Variants in SNAP25 observed in about 807,000 individuals in gnomAD.
SNAP25 encodes synaptosome associated protein 25.
In SNAP25, 3 loss-of-function variants were observed where a neutral mutation model predicts 28.7. The ratio of observed to expected loss-of-function variants is 0.10; its 90% CI spans 0.05 to 0.27. The LOEUF (loss-of-function observed/expected upper bound fraction) is 0.27, where lower values mean the gene tolerates loss of function less well. SNAP25 is among the 10% of genes least tolerant of loss of function. The pLI is 1.00. For missense variants in SNAP25, 117 were observed against 278.7 expected (o/e 0.42, Z 4.13); for synonymous variants, 61 against 88.1 (o/e 0.69, Z 1.72).
intron 1 of SNAP25, among the ~76,000 whole-genome samples, chr20:10,259,109 A>G (rs1402792900): frequency 6.6e-6 from 1 of 152,216 alleles, no homozygotes; most frequent in Non-Finnish European, 1.5e-5. Flanking sequence ...CTAAGGCTAT[A>G]TATATACAAA....
At chr20:10,263,311 A>T (rs1355506663) in intron 1 of SNAP25, among the ~76,000 whole-genome samples, 1 of 150,458 alleles carries the variant, frequency 6.6e-6, no homozygotes, top group Non-Finnish European at 1.5e-5. Flanking sequence ...GAGCCACCGC[A>T]CCAGGCCAAC....
intron 3 of SNAP25, among the ~76,000 whole-genome samples, chr20:10,281,778 A>T (rs971307099): frequency 2.0e-5 from 3 of 152,242 alleles, no homozygotes; most frequent in African/African-American, 7.2e-5. Context: ...ATGGATTGAG[A>T]TTCTACTCAA....
rs1049751161 is a variant in SNAP25 at position 10,306,368 on chromosome 20, G to T, written c.*171G>T. On this transcript the variant is annotated 3_prime_UTR_variant, in exon 8 of 8. Coordinates refer to ENST00000254976, the MANE Select transcript of SNAP25 (RefSeq NM_130811.4). ...TTCCCAACAATACTTTGTGTCTTTT[G>T]TTCTCTCTTGGTCTCTTTCTTTCCA... is the stretch of plus-strand genomic sequence containing the variant. 9 of 585,304 alleles carry T rather than the reference G, an allele frequency of 1.5e-5. No homozygotes were observed. Among genetic ancestry groups the T allele is most frequent in the African/African-American group, 1.1e-4 (6 of 52,572 alleles). The allele number at this position is 585,304 out of a possible 1,614,324, so 36.3% of individuals were successfully genotyped here.
chr20:10,231,593 T>C (rs1356079964), intron 1 of SNAP25: 2 of 152,144 alleles, frequency 1.3e-5, no homozygotes, highest in Admixed American at 6.5e-5. Context: ...CACTCAGAGG[T>C]CTTGGCCTCA....
In SNAP25 at chr20:10,307,088, T is replaced by G. The variant is rs562825166; in HGVS notation, c.*891T>G. 2 of 152,602 alleles carry G rather than the reference T, an allele frequency of 1.3e-5. No individual in the cohort carries two copies. Among genetic ancestry groups the G allele is most frequent in the Admixed American group, 6.5e-5 (1 of 15,294 alleles). The allele number at this position is 152,602 out of a possible 1,614,324, so 9.5% of individuals were successfully genotyped here. A position where few individuals can be genotyped will look rare whatever the true frequency, so the allele number is the denominator to read the frequency against. On this transcript the variant is annotated 3_prime_UTR_variant, in exon 8 of 8. Coordinates refer to ENST00000254976, the MANE Select transcript of SNAP25 (RefSeq NM_130811.4). ...TATAGGGTTTGTTTGCTGCTTTTGA[T>G]GGCTATGTTTTGGAGAGAGCAATCT...
At chr20:10,222,401 T>C (rs1328292331) in intron 1 of SNAP25, among the ~76,000 whole-genome samples, 1 of 152,024 alleles carries the variant, frequency 6.6e-6, no homozygotes, top group Non-Finnish European at 1.5e-5. Flanking sequence ...CTTTTGGAGG[T>C]TGCAGAGAGG....
At chr20:10,305,920 A>T (rs1195289325) in intron 7 of SNAP25, among the ~76,000 whole-genome samples, 2 of 144,306 alleles carry the variant, frequency 1.4e-5, no homozygotes, top group Non-Finnish European at 3.1e-5. Flanking sequence ...TTCGTTCATT[A>T]AAAAAAAAAA....
chr20:10,284,647 G>A (rs2063841230), intron 3 of SNAP25, 77 bp from the exon 4 acceptor site: 1 of 1,109,482 alleles, frequency 9.0e-7, no homozygotes, highest in South Asian at 1.3e-5. Context: ...AGGGCTAATT[G>A]TCCCCTTACT....
chr20:10,236,876 C>T (rs917917769), intron 1 of SNAP25, among the ~76,000 whole-genome samples: 10 of 151,928 alleles, frequency 6.6e-5, no homozygotes, highest in African/African-American at 1.9e-4. Flanking sequence ...AAATAGAAGA[C>T]CCCTAAAGAT....
chr20:10,235,487 C>T (rs186832887), intron 1 of SNAP25, among the ~76,000 whole-genome samples: 76 of 152,300 alleles, frequency 5.0e-4, no homozygotes, highest in Non-Finnish European at 7.1e-4. Flanking sequence ...ACGTCAGTGT[C>T]GAGCTCTCCT....
At chr20:10,269,768 T>TAAAATTTG (rs889920737) in intron 1 of SNAP25, among the ~76,000 whole-genome samples, 36 of 152,374 alleles carry the variant, frequency 2.4e-4, no homozygotes, top group African/African-American at 8.4e-4. Flanking sequence ...TTATGGACCC[T>TAAAATTTG]AAAATTTGAA....
In SNAP25 at chr20:10,306,948, A is replaced by G. The variant is rs2064375535; in HGVS notation, c.*751A>G. The G allele has an allele frequency of 6.5e-6, 1 of 152,952 alleles. No individual in the cohort carries two copies. Among genetic ancestry groups the G allele is most frequent in the African/African-American group, 2.4e-5 (1 of 41,474 alleles). The allele number at this position is 152,952 out of a possible 1,614,324, so 9.5% of individuals were successfully genotyped here. ...GTCAATATATAGAGACTTCTAAATC[A>G]TAATCATCCTTTTTTAAAAAAAAGA... On this transcript the variant is annotated 3_prime_UTR_variant, in exon 8 of 8. Transcript: ENST00000254976.
At chr20:10,266,891 A>G (rs900512478) in intron 1 of SNAP25, among the ~76,000 whole-genome samples, 38 of 152,202 alleles carry the variant, frequency 2.5e-4, no homozygotes, top group Admixed American at 9.2e-4. Flanking sequence ...TTGAAAACAT[A>G]AACTTTCCTT....
intron 1 of SNAP25, among the ~76,000 whole-genome samples, chr20:10,255,830 G>A (rs1037637157): frequency 1.3e-5 from 2 of 152,092 alleles, no homozygotes; most frequent in Admixed American, 6.6e-5. Flanking sequence ...GCTATTAAGC[G>A]CAGAACAGTG....
At chr20:10,232,529 A>C (rs2062845892) in intron 1 of SNAP25, among the ~76,000 whole-genome samples, 6 of 152,256 alleles carry the variant, frequency 3.9e-5, no homozygotes, top group Admixed American at 3.9e-4. Context: ...GAGACTTCAC[A>C]GAAGTGAGGA....
At chr20:10,223,798 C>T (rs2062679316) in intron 1 of SNAP25, among the ~76,000 whole-genome samples, 1 of 152,190 alleles carries the variant, frequency 6.6e-6, no homozygotes, top group African/African-American at 2.4e-5. Flanking sequence ...ACATAATTTT[C>T]TTCACAAGAC....
At position 10,286,124 on chromosome 20, in the gene SNAP25, G is replaced by C. The variant is rs146312169; in HGVS notation, c.163+1352G>C. On this transcript the variant is annotated intron_variant, in intron 4 of 7. Coordinates refer to ENST00000254976, the MANE Select transcript of SNAP25 (RefSeq NM_130811.4). ...GCTTACTCATAATAGTGTAAGACTA[G>C]AAACAACTTAAGTATCTGTCGGTGG... Among the ~76,000 whole-genome samples, 400 of 152,232 alleles carry C rather than the reference G, an allele frequency of 2.6e-3. 2 individuals carry two copies. Among genetic ancestry groups the C allele is most frequent in the Non-Finnish European group, 3.2e-3 (216 of 68,022 alleles).
chr20:10,293,192 C>A lies in SNAP25; in HGVS notation c.195C>A (p.Asp65Glu). 5 of 1,613,898 alleles carry A rather than the reference C, an allele frequency of 3.1e-6. No individual in the cohort carries two copies. The highest frequency in any genetic ancestry group is 4.2e-6 in the Non-Finnish European group (5 of 1,179,960). Residue 65 changes from aspartate to glutamate, a missense_variant, in exon 5 of 8, where the codon GAC (aspartate) becomes GAA (glutamate). By Grantham distance (45) the Asp-to-Glu change is conservative (BLOSUM62 2). Coordinates refer to ENST00000254976, the MANE Select transcript of SNAP25 (RefSeq NM_130811.4). The surrounding 1 kb of genome is among the most constrained non-coding windows in gnomAD (Gnocchi z 5.6). ...TGGAACGCATTGAGGAAGGGATGGACCAAATCAATAAGGACATGAAAGAAG... is the reference window on the plus strand; with the variant it reads ...TGGAACGCATTGAGGAAGGGATGGAACAAATCAATAAGGACATGAAAGAAG... ...EQLERIEEGM[D>E]QINKDMKEAE... is the part of the protein sequence containing the mutation.
intron 1 of SNAP25, among the ~76,000 whole-genome samples, chr20:10,231,782 A>G: frequency 6.6e-6 from 1 of 152,218 alleles, no homozygotes; most frequent in East Asian, 1.9e-4. Flanking sequence ...AGAGCATTTC[A>G]GATTTCAGAT....
Sources: gnomAD v4.1 joint callset for allele counts (sites outside exome capture counted in the v4.1 genomes callset) on GRCh38, gnomAD v4.1.1 for gene constraint, Gnocchi (gnomAD v3.1) non-coding constraint, MANE v1.5 for transcripts, NCBI Gene and HGNC (gene_info 2026-07-23, HGNC 2026-07-21) for gene names.